TNFRSF10B: variants seen among roughly 807,000 people sequenced by gnomAD.
TNFRSF10B encodes the protein tumor necrosis factor receptor superfamily member 10B.
A neutral mutation model predicts 41.4 loss-of-function variants in TNFRSF10B; 35 were observed. The ratio of observed to expected loss-of-function variants is 0.85; its 90% CI spans 0.65 to 1.12. TNFRSF10B has a LOEUF of 1.12. Among genes scored for constraint, TNFRSF10B ranks in the 50% most tolerant of loss-of-function variants. TNFRSF10B has a pLI of 0.00. For missense variants in TNFRSF10B, 584 were observed against 552.7 expected (o/e 1.06, Z -0.57); for synonymous variants, 230 against 215.5 (o/e 1.07, Z -0.59).
rs1373121439 is a variant in TNFRSF10B, at chr8:23,043,078, T to C, written c.250+60A>G. On this transcript the variant is annotated intron_variant, in intron 2 of 8. Coordinates refer to ENST00000276431, the MANE Select transcript of TNFRSF10B (RefSeq NM_003842.5). The stretch of plus-strand genomic sequence containing the variant: ...ACAAGGAAGTGCAAAGGAAACAGAC[T>C]GGAAGCTCATGGAGACAAGGGGAGG... The C allele has an allele frequency of 6.7e-6, 10 of 1,493,476 alleles. No individual in the cohort carries two copies. The Middle Eastern group carries it at 1.0e-3, about 153-fold the overall frequency. The allele number at this position is 1,493,476 out of a possible 1,614,324, so 92.5% of individuals were successfully genotyped here. A position where few individuals can be genotyped will look rare whatever the true frequency, so the allele number is the denominator to read the frequency against.
chr8:23,058,881 T>G (rs1812746053), intron 1 of TNFRSF10B, among the ~76,000 whole-genome samples: 1 of 152,198 alleles, frequency 6.6e-6, no homozygotes, highest in Non-Finnish European at 1.5e-5. Context: ...AAAACTAAGG[T>G]AAATTATATA....
At chr8:23,044,936 C>A (rs1411818383) in intron 1 of TNFRSF10B, among the ~76,000 whole-genome samples, 1 of 151,622 alleles carries the variant, frequency 6.6e-6, no homozygotes, top group African/African-American at 2.4e-5. Context: ...AATGAGGAGG[C>A]CAGGTGCAGT....
chr8:23,027,440 C>CAGCAGCGGGTCCTGGATGT, intron 6 of TNFRSF10B, 152 bp from the exon 7 acceptor site: 1 of 983,584 alleles, frequency 1.0e-6, no homozygotes, highest in Non-Finnish European at 1.5e-6. Flanking sequence ...ATCCAGGACC[C>CAGCAGCGGGTCCTGGATGT]GCTGCTGGGG....
intron 8 of TNFRSF10B, 50 bp from the exon 9 acceptor site, chr8:23,023,034 G>A: frequency 6.3e-7 from 1 of 1,595,640 alleles, no homozygotes; most frequent in Non-Finnish European, 8.5e-7. Flanking sequence ...ACTCAGAAAG[G>A]GCAGAGGATT....
chr8:23,064,025 G>T (rs1037523840), intron 1 of TNFRSF10B, among the ~76,000 whole-genome samples: 2 of 152,230 alleles, frequency 1.3e-5, no homozygotes, highest in African/African-American at 4.8e-5. Context: ...GCATGTAGGC[G>T]CCTGGCGACC....
In TNFRSF10B at chr8:23,021,991, G is replaced by A. The variant is rs1811539351; in HGVS notation, c.*680C>T. 1 of 451,942 alleles carries A rather than the reference G, an allele frequency of 2.2e-6. No individual in the cohort carries two copies. Among genetic ancestry groups the A allele is most frequent in the South Asian group, 1.6e-5 (1 of 64,290 alleles). 28.0% of individuals were successfully genotyped at this position (451,942 alleles called of 1,614,324 possible). ...TAGAAAGGTAAGGCCAAGCATGGGGGCTCACGCCTCTAATTCCACCGCTTT... is the reference window on the plus strand; with the variant it reads ...TAGAAAGGTAAGGCCAAGCATGGGGACTCACGCCTCTAATTCCACCGCTTT... On this transcript the variant is annotated 3_prime_UTR_variant, in exon 9 of 9. Transcript: ENST00000276431.
chr8:23,035,944 T>C (rs1465210761), intron 2 of TNFRSF10B, among the ~76,000 whole-genome samples: 4 of 152,208 alleles, frequency 2.6e-5, no homozygotes, highest in Non-Finnish European at 5.9e-5. Flanking sequence ...TTCTGTCACT[T>C]GGGCCATACG....
intron 6 of TNFRSF10B, 126 bp downstream of exon 6, chr8:23,027,595 CA>C: frequency 7.6e-7 from 1 of 1,314,444 alleles, no homozygotes; most frequent in Non-Finnish European, 1.1e-6. Context: ...CAGCCCAGAG[CA>C]CCCAGGCCAC....
chr8:23,037,819 C>T (rs553598720), intron 2 of TNFRSF10B, among the ~76,000 whole-genome samples: 102 of 152,304 alleles, frequency 6.7e-4, no homozygotes, highest in African/African-American at 2.2e-3. Flanking sequence ...CATGCGGTTG[C>T]TTCTTCCATT....
intron 1 of TNFRSF10B, among the ~76,000 whole-genome samples, chr8:23,045,875 C>G (rs1002172032): frequency 6.6e-6 from 1 of 152,066 alleles, no homozygotes; most frequent in East Asian, 1.9e-4. Flanking sequence ...AAGCATTTGA[C>G]AAAACACAAC....
chr8:23,039,113 G>A (rs192299044), intron 2 of TNFRSF10B, among the ~76,000 whole-genome samples: 8 of 151,794 alleles, frequency 5.3e-5, no homozygotes, highest in African/African-American at 1.5e-4. Context: ...TAAGGAGTGC[G>A]CAACCTAGAT....
chr8:23,039,851 G>A (rs1301676800), intron 2 of TNFRSF10B, among the ~76,000 whole-genome samples: 1 of 152,122 alleles, frequency 6.6e-6, no homozygotes, highest in East Asian at 1.9e-4. Flanking sequence ...AAAACTACCT[G>A]TTTAGATACT....
chr8:23,039,740 G>A (rs1196108665), intron 2 of TNFRSF10B, among the ~76,000 whole-genome samples: 6 of 152,236 alleles, frequency 3.9e-5, no homozygotes, highest in African/African-American at 9.6e-5. Flanking sequence ...GTCACACAAC[G>A]TGCAAGGATG....
At chr8:23,027,520 A>G (rs1585206673) in intron 6 of TNFRSF10B, 2 of 796,190 alleles carry the variant, frequency 2.5e-6, no homozygotes, top group Non-Finnish European at 4.0e-6. Flanking sequence ...TGAGGATGTC[A>G]CCTGGGCTGC....
At position 23,029,665 on chromosome 8, in the gene TNFRSF10B, C is replaced by T. The variant is rs979345082; in HGVS notation, c.421G>A (p.Glu141Lys). 5.6e-6 allele frequency: 9 copies of T among 1,613,846 alleles called. No homozygotes were observed. Among genetic ancestry groups the T allele is most frequent in the Non-Finnish European group, 7.6e-6 (9 of 1,179,958 alleles). Residue 141 changes from glutamate to lysine, a missense_variant, in exon 4 of 9, where the codon GAA (glutamate) becomes AAA (lysine). Glu to Lys is a moderately conservative substitution (Grantham distance 56, BLOSUM62 1). Coordinates refer to ENST00000276431, the MANE Select transcript of TNFRSF10B (RefSeq NM_003842.5). ...TTRNTVCQCE[E>K]GTFREEDSPE... ...GAATCTTCTTCCCGGAAGGTGCCTT[C>T]TTCGCACTGACACACTGTGTTTCTG...
In TNFRSF10B at chr8:23,043,213, G is replaced by C. The variant is rs1474471373; in HGVS notation, c.175C>G (p.Gln59Glu). ...GCTCTCTGCTGGGGAGCTAGGTCTT[G>C]TTGGGTGATCAGAGCAGACTCAGCT... ...VSAESALITQ[Q>E]DLAPQQRAAP... Residue 59 changes from glutamine to glutamate, a missense_variant, in exon 2 of 9, where the codon CAA (glutamine) becomes GAA (glutamate). Gln to Glu is a conservative substitution (Grantham distance 29). Coordinates refer to ENST00000276431, the MANE Select transcript of TNFRSF10B (RefSeq NM_003842.5). 3 of 1,614,148 alleles carry C rather than the reference G, an allele frequency of 1.9e-6. No individual in the cohort carries two copies. The highest frequency in any genetic ancestry group is 2.2e-5 in the East Asian group (1 of 44,866).
At chr8:23,034,396 C>T (rs1357048386) in intron 2 of TNFRSF10B, among the ~76,000 whole-genome samples, 1 of 152,102 alleles carries the variant, frequency 6.6e-6, no homozygotes, top group African/African-American at 2.4e-5. Context: ...AGGTGGAAGC[C>T]ACCAGATTTG....
intron 4 of TNFRSF10B, 45 bp downstream of exon 4, chr8:23,029,565 T>C (rs966143209): frequency 3.5e-5 from 55 of 1,559,722 alleles, no homozygotes; most frequent in Non-Finnish European, 4.5e-5. Flanking sequence ...CTTGGGTCTT[T>C]TGGGGTTCCA....
chr8:23,026,674 G>A lies in TNFRSF10B; in HGVS notation c.936+459C>T, dbSNP rs548093783. 6.6e-4 allele frequency among the ~76,000 whole-genome samples: 101 copies of A among 152,332 alleles called. 2 individuals carry two copies. In the South Asian group the frequency reaches 0.02, roughly 31 times the overall value. On this transcript the variant is annotated intron_variant, in intron 7 of 8. Coordinates refer to ENST00000276431, the MANE Select transcript of TNFRSF10B (RefSeq NM_003842.5). ...ATTGATATGAACTGATTGTGTGCGTGTGTCCAATACAAAAGCCCTTTGTGC... is the reference window on the plus strand; with the variant it reads ...ATTGATATGAACTGATTGTGTGCGTATGTCCAATACAAAAGCCCTTTGTGC...
Sources: gnomAD v4.1 joint callset for allele counts (sites outside exome capture counted in the v4.1 genomes callset) on GRCh38, gnomAD v4.1.1 for gene constraint, MANE v1.5 for transcripts, NCBI Gene and HGNC (gene_info 2026-07-23, HGNC 2026-07-21) for gene names.